Variants in FREM1 observed in about 807,000 individuals in gnomAD.
The protein encoded by FREM1 is FRAS1-related extracellular matrix protein 1.
FREM1 carries 220 observed loss-of-function variants against 210.1 expected under a neutral mutation model. That is an observed-to-expected ratio of 1.05 (90% CI 0.94 to 1.17). FREM1 has a LOEUF of 1.17. Among genes scored for constraint, FREM1 ranks in the 50% most tolerant of loss-of-function variants. FREM1 has a pLI of 0.00. For missense variants in FREM1, 3,454 were observed against 2,675.5 expected, an observed-to-expected ratio of 1.29 and a Z score of -6.42; for synonymous variants, 1,189 against 980.2, an observed-to-expected ratio of 1.21 and a Z score of -3.98.
chr9:14,881,371 G>A (rs1391610745), intron 1 of FREM1, among the ~76,000 whole-genome samples: 3 of 151,994 alleles, frequency 2.0e-5, no homozygotes, highest in Non-Finnish European at 4.4e-5. Context: ...GCCAATCTGG[G>A]TATAAATAGG....
rs1303648732 is a variant in FREM1 at position 14,804,836 on chromosome 9, G to T, written c.3471+120C>A. On this transcript the variant is annotated intron_variant, in intron 19 of 36. Transcript: ENST00000380880. ...TCAAATGATTGCATTACATAACATA[G>T]CCTTCCCCACTCCTCACCAATGCAA... is the stretch of plus-strand genomic sequence containing the variant. 1.5e-5 allele frequency: 10 copies of T among 659,698 alleles called. No individual in the cohort carries two copies. In the East Asian group the frequency reaches 1.9e-4, roughly 12 times the overall value. The allele number at this position is 659,698 out of a possible 1,614,324, so 40.9% of individuals were successfully genotyped here.
intron 13 of FREM1, 57 bp from the exon 14 acceptor site, chr9:14,819,499 A>C (rs1259785408): frequency 9.6e-7 from 1 of 1,041,034 alleles, no homozygotes; most frequent in Non-Finnish European, 1.5e-6. Flanking sequence ...CCCTGAAGAC[A>C]GAGCTCATTA....
In FREM1 at chr9:14,737,482, C is replaced by T. The variant is rs886063764; in HGVS notation, c.6454G>A (p.Val2152Ile). The change falls in exon 37 of 37, where the codon GTT becomes ATT. Residue 2152 changes from valine to isoleucine, a missense_variant. Physicochemically the swap from Val to Ile is conservative, Grantham distance 29. Coordinates refer to ENST00000380880, the MANE Select transcript of FREM1 (RefSeq NM_001379081.2). ...CATTTCCCTTGTCTTTGAACCAAAA[C>T]ACAGCTCTTTCCAAGCTTGGAGCGT... The part of the protein sequence containing the change: ...SQRSKLGKSC[V>I]LVQRQGKWQT... The T allele has an allele frequency of 6.2e-7, 1 of 1,613,836 alleles. No homozygotes were observed. Among genetic ancestry groups the T allele is most frequent in the Non-Finnish European group, 8.5e-7 (1 of 1,179,812 alleles).
At chr9:14,844,522 G>T (rs1027822598) in intron 8 of FREM1, among the ~76,000 whole-genome samples, 2 of 152,138 alleles carry the variant, frequency 1.3e-5, no homozygotes, top group Admixed American at 1.3e-4. Flanking sequence ...ACTGTGCCCG[G>T]CCAGAGACTT....
intron 10 of FREM1, among the ~76,000 whole-genome samples, chr9:14,833,520 C>A (rs905738961): frequency 6.6e-6 from 1 of 152,290 alleles, no homozygotes; most frequent in Middle Eastern, 3.4e-3. Flanking sequence ...TCAAAAGCTG[C>A]CTATCACTCC....
chr9:14,738,787 A>C (rs1213189516), intron 36 of FREM1, among the ~76,000 whole-genome samples: 1 of 152,036 alleles, frequency 6.6e-6, no homozygotes, highest in Non-Finnish European at 1.5e-5. Flanking sequence ...AGGCAGGTGG[A>C]TCACCTGAGG....
chr9:14,865,569 G>C (rs1831350614), intron 2 of FREM1, among the ~76,000 whole-genome samples: 1 of 152,104 alleles, frequency 6.6e-6, no homozygotes, highest in Non-Finnish European at 1.5e-5. Context: ...ACACAGCAGG[G>C]TGTTGTTAAT....
intron 25 of FREM1, among the ~76,000 whole-genome samples, chr9:14,775,342 T>C (rs1848359722): frequency 6.6e-6 from 1 of 152,198 alleles, no homozygotes; most frequent in Non-Finnish European, 1.5e-5. Flanking sequence ...ATCTCTTTCA[T>C]TCATATTAAT....
intron 35 of FREM1, among the ~76,000 whole-genome samples, chr9:14,745,200 C>A (rs1320910122): frequency 6.6e-6 from 1 of 152,150 alleles, no homozygotes; most frequent in Non-Finnish European, 1.5e-5. Context: ...ATAATCTCTA[C>A]AACAAACCCC....
At chr9:14,769,495 T>A (rs1563878112) in intron 27 of FREM1, among the ~76,000 whole-genome samples, 2 of 152,162 alleles carry the variant, frequency 1.3e-5, no homozygotes, top group Non-Finnish European at 2.9e-5. Flanking sequence ...AATATGAACG[T>A]CAACTTAGCT....
intron 1 of FREM1, among the ~76,000 whole-genome samples, chr9:14,886,784 G>A (rs1230723645): frequency 2.6e-5 from 4 of 151,608 alleles, no homozygotes; most frequent in Non-Finnish European, 5.9e-5. Context: ...TGTGGTCCCA[G>A]CCACTGGGGA....
Position 14,825,547 on chromosome 9 carries a change from G to GTGTGTGTGTGTATATATA in FREM1, c.1882-556_1882-555insTATATATACACACACACA. Reference sequence around the variant, plus strand: ...CATATATATATATATGTGTGTGTGTGTATATATATATATATATATATATAC... The same window carrying GTGTGTGTGTGTATATATA: ...CATATATATATATATGTGTGTGTGTGTGTGTGTGTGTATATATATATATATATATATATATATATATAC... On this transcript the variant is annotated intron_variant, in intron 10 of 36. Transcript: ENST00000380880. Among the ~76,000 whole-genome samples the GTGTGTGTGTGTATATATA allele has an allele frequency of 2.6e-3, 198 of 75,876 alleles. 1 individual carries two copies. Among genetic ancestry groups the GTGTGTGTGTGTATATATA allele is most frequent in the African/African-American group, 6.0e-3 (106 of 17,794 alleles). 49.8% of individuals were successfully genotyped at this position (75,876 alleles called of 152,430 possible). A position where few individuals can be genotyped will look rare whatever the true frequency, so the allele number is the denominator to read the frequency against.
At chr9:14,866,444 C>T (rs561371544) in intron 2 of FREM1, among the ~76,000 whole-genome samples, 1 of 152,004 alleles carries the variant, frequency 6.6e-6, no homozygotes, top group Non-Finnish European at 1.5e-5. Flanking sequence ...GAGTCATAGG[C>T]CATTTGAGGT....
At chr9:14,843,341 C>T (rs1170454315) in intron 8 of FREM1, among the ~76,000 whole-genome samples, 1 of 152,194 alleles carries the variant, frequency 6.6e-6, no homozygotes, top group African/African-American at 2.4e-5. Context: ...TGGCTTTGGA[C>T]TGGGTTACAC....
intron 1 of FREM1, among the ~76,000 whole-genome samples, chr9:14,897,168 G>A (rs1220894267): frequency 6.6e-6 from 1 of 152,106 alleles, no homozygotes; most frequent in East Asian, 1.9e-4. Context: ...ACAATAATAA[G>A]CATGTATTAT....
intron 4 of FREM1, among the ~76,000 whole-genome samples, chr9:14,858,814 C>T (rs1829279739): frequency 6.6e-6 from 1 of 152,162 alleles, no homozygotes; most frequent in African/African-American, 2.4e-5. Context: ...ACTACTGTTG[C>T]TATTACTAAT....
intron 10 of FREM1, among the ~76,000 whole-genome samples, chr9:14,827,190 C>G (rs1264980351): frequency 6.6e-6 from 1 of 152,166 alleles, no homozygotes; most frequent in Non-Finnish European, 1.5e-5. Context: ...GAACCTCAAT[C>G]TTCTTAGAGA....
intron 10 of FREM1, among the ~76,000 whole-genome samples, chr9:14,837,583 G>C (rs1824869655): frequency 6.6e-6 from 1 of 152,122 alleles, no homozygotes; most frequent in South Asian, 2.1e-4. Flanking sequence ...ATGGAAAATG[G>C]TCTCTTTGAA....
At chr9:14,739,778 T>C (rs1317970977) in intron 36 of FREM1, among the ~76,000 whole-genome samples, 1 of 151,862 alleles carries the variant, frequency 6.6e-6, no homozygotes, top group Non-Finnish European at 1.5e-5. Flanking sequence ...CTTTATTATT[T>C]AATGGCTTGC....
Sources: allele counts gnomAD v4.1 joint callset (sites outside exome capture counted in the v4.1 genomes callset), GRCh38; gene constraint gnomAD v4.1.1; transcripts MANE v1.5; gene names NCBI Gene and HGNC (gene_info 2026-07-23, HGNC 2026-07-21).